The following RBFOX1 variants were observed in gnomAD, a reference collection of about 807,000 sequenced individuals.
RBFOX1 encodes RNA binding protein fox-1 homolog 1.
In RBFOX1, 8 loss-of-function variants were observed where a neutral mutation model predicts 57.7. The ratio of observed to expected loss-of-function variants is 0.14; its 90% CI spans 0.08 to 0.25. RBFOX1 has a LOEUF of 0.25. Ranked by LOEUF, RBFOX1 falls within the 10% of genes least tolerant of loss-of-function variation. The pLI is 1.00. For synonymous variants in RBFOX1, 326 were observed against 222.4 expected, an observed-to-expected ratio of 1.47 and a Z score of -4.15; for missense variants, 611 against 548.5, an observed-to-expected ratio of 1.11 and a Z score of -1.14.
At chr16:7,068,918 T>C (rs1487048960) in intron 4 of RBFOX1, among the ~76,000 whole-genome samples, 1 of 152,180 alleles carries the variant, frequency 6.6e-6, no homozygotes, top group Non-Finnish European at 1.5e-5. Flanking sequence ...GATAGTTCTG[T>C]TGATTTCTAC....
intron 3 of RBFOX1, among the ~76,000 whole-genome samples, chr16:7,034,848 C>CTTTTCTTTTT (rs1412479062): frequency 6.5e-5 from 2 of 30,836 alleles, no homozygotes; most frequent in East Asian, 1.9e-3. Flanking sequence ...TTTCTTTTTT[C>CTTTTCTTTTT]TTTTTTTTTT....
intron 2 of RBFOX1, among the ~76,000 whole-genome samples, chr16:6,438,853 C>G (rs1455126042): frequency 6.6e-6 from 1 of 152,146 alleles, no homozygotes; most frequent in Non-Finnish European, 1.5e-5. Flanking sequence ...CCTGAGTATT[C>G]TTAACATTGT....
intron 3 of RBFOX1, among the ~76,000 whole-genome samples, chr16:5,607,300 C>G (rs1304295166): frequency 1.3e-5 from 2 of 152,206 alleles, no homozygotes; most frequent in Admixed American, 1.3e-4. Context: ...TCTTTCCCTT[C>G]AAAATATCAC....
intron 5 of RBFOX1, among the ~76,000 whole-genome samples, chr16:7,538,194 G>C (rs995687386): frequency 2.0e-5 from 3 of 152,170 alleles, no homozygotes; most frequent in Non-Finnish European, 4.4e-5. Flanking sequence ...GTGAGAGTTT[G>C]TTGAGGAAGG....
chr16:6,899,992 C>T (rs61704069), intron 3 of RBFOX1, among the ~76,000 whole-genome samples: 2,571 of 152,292 alleles, frequency 0.017, 66 homozygotes, highest in African/African-American at 0.059. Context: ...TTCTGTGCTT[C>T]TGTTTCCTTA....
At chr16:6,930,702 G>A (rs897333854) in intron 3 of RBFOX1, among the ~76,000 whole-genome samples, 2 of 152,110 alleles carry the variant, frequency 1.3e-5, no homozygotes, top group South Asian at 2.1e-4. Flanking sequence ...TAGCCCCTGT[G>A]CCTGGCCTAA....
chr16:7,208,050 C>T (rs563746124), intron 4 of RBFOX1, among the ~76,000 whole-genome samples: 4 of 152,310 alleles, frequency 2.6e-5, no homozygotes, highest in Admixed American at 1.3e-4. Context: ...AAAACTAGGA[C>T]TTTAGGCAAC....
intron 3 of RBFOX1, among the ~76,000 whole-genome samples, chr16:5,728,544 C>A (rs1023757371): frequency 6.6e-6 from 1 of 152,182 alleles, no homozygotes; most frequent in African/African-American, 2.4e-5. Flanking sequence ...CAGGTAAGGT[C>A]CCTGTGTTAA....
chr16:6,656,873 A>ACCTCCTCTCC (rs2098657482), intron 3 of RBFOX1, among the ~76,000 whole-genome samples: 1 of 140,376 alleles, frequency 7.1e-6, no homozygotes, highest in Admixed American at 7.5e-5. Flanking sequence ...TAAACAAGGT[A>ACCTCCTCTCC]ACTCCTCTCC....
chr16:6,720,373 A>G (rs1312689232), intron 3 of RBFOX1, among the ~76,000 whole-genome samples: 5 of 152,130 alleles, frequency 3.3e-5, no homozygotes, highest in Admixed American at 1.3e-4. Context: ...TAGCCATGCT[A>G]CCTTTACAGA....
At position 5,946,970 on chromosome 16, in the gene RBFOX1, G is replaced by A. The variant is rs996087972; in HGVS notation, c.351+79635G>A. Among the ~76,000 whole-genome samples the A allele has an allele frequency of 4.6e-5, 7 of 152,182 alleles. No individual in the cohort carries two copies. In the South Asian group the frequency reaches 6.2e-4, roughly 14 times the overall value. On this transcript the variant is annotated intron_variant, in intron 4 of 19. Coordinates refer to the RBFOX1 transcript ENST00000641259. The surrounding 1 kb of genome is among the most constrained non-coding windows in gnomAD (Gnocchi z 4.6). ...CTCACAGCCGTAATCCTAGCACTTA[G>A]GGAGGCAGAAGTAGGAGGATTGCTT...
chr16:5,936,811 G>C (rs1302571033), intron 4 of RBFOX1, among the ~76,000 whole-genome samples: 1 of 152,176 alleles, frequency 6.6e-6, no homozygotes, highest in African/African-American at 2.4e-5. Flanking sequence ...CACATGCCAA[G>C]ACAAGAGCGG....
At chr16:5,948,885 T>G (rs17138979) in intron 4 of RBFOX1, among the ~76,000 whole-genome samples, 17,318 of 152,230 alleles carry the variant, frequency 0.11, 1,289 homozygotes, top group East Asian at 0.17. Context: ...CACTGCCATT[T>G]TATTCACTCA....
intron 2 of RBFOX1, among the ~76,000 whole-genome samples, chr16:6,552,107 C>G (rs2097001752): frequency 6.6e-6 from 1 of 152,166 alleles, no homozygotes; most frequent in African/African-American, 2.4e-5. Context: ...CCTACTGCTT[C>G]CTGCTGGGAC....
chr16:6,513,059 G>T (rs1339237800), intron 2 of RBFOX1, among the ~76,000 whole-genome samples: 1 of 152,148 alleles, frequency 6.6e-6, no homozygotes, highest in African/African-American at 2.4e-5. Context: ...CAATCAATAT[G>T]GCACAGTATT....
intron 3 of RBFOX1, among the ~76,000 whole-genome samples, chr16:5,850,395 C>A (rs917591633): frequency 6.6e-6 from 1 of 152,080 alleles, no homozygotes; most frequent in Admixed American, 6.5e-5. Context: ...ACCAGTAACT[C>A]CATTCTTTGG....
intron 4 of RBFOX1, among the ~76,000 whole-genome samples, chr16:7,256,989 C>T (rs554451309): frequency 6.6e-6 from 1 of 152,138 alleles, no homozygotes; most frequent in Non-Finnish European, 1.5e-5. Context: ...TTCTCTGTTA[C>T]TCGTTCTGAT....
chr16:6,798,685 A>G (rs2084667450), intron 3 of RBFOX1, among the ~76,000 whole-genome samples: 2 of 152,322 alleles, frequency 1.3e-5, no homozygotes, highest in South Asian at 4.1e-4. Context: ...GCTTTTCACT[A>G]ATTAAGTTGT....
At chr16:7,573,618 G>C (rs1171097566) in intron 5 of RBFOX1, among the ~76,000 whole-genome samples, 1 of 152,016 alleles carries the variant, frequency 6.6e-6, no homozygotes, top group Non-Finnish European at 1.5e-5. Context: ...CCGATCACTT[G>C]AGGTTAGGAG....
Sources: gnomAD v4.1 joint callset for allele counts (sites outside exome capture counted in the v4.1 genomes callset) on GRCh38, gnomAD v4.1.1 for gene constraint, Gnocchi (gnomAD v3.1) non-coding constraint, MANE v1.5 for transcripts, NCBI Gene and HGNC (gene_info 2026-07-23, HGNC 2026-07-21) for gene names.